The following OR2T12 variants were observed in gnomAD, a reference collection of about 807,000 sequenced individuals.
OR2T12 encodes olfactory receptor 2T12.
For missense variants in OR2T12, 335 were observed against 404.3 expected (o/e 0.83, Z 1.47); for synonymous variants, 127 against 160.5 (o/e 0.79, Z 1.58).
At position 248,294,508 on chromosome 1, in the gene OR2T12, A is replaced by T. The variant is rs1428816748; in HGVS notation, c.*108T>A. ...ACTTCATTCTTAAAAATATCTTATTATATCAATACACAAACTTAATTTTCT... is the reference window on the plus strand; with the variant it reads ...ACTTCATTCTTAAAAATATCTTATTTTATCAATACACAAACTTAATTTTCT... On this transcript the variant is annotated 3_prime_UTR_variant, in exon 3 of 3. Coordinates refer to ENST00000641276, the MANE Select transcript of OR2T12 (RefSeq NM_001004692.2). The T allele has an allele frequency of 2.9e-6, 4 of 1,367,928 alleles. No homozygotes were observed. The highest frequency in any genetic ancestry group is 3.0e-6 in the Non-Finnish European group (3 of 1,001,738). The allele number at this position is 1,367,928 out of a possible 1,614,324, so 84.7% of individuals were successfully genotyped here.
chr1:248,300,816 C>T (rs1341796480), intron 2 of OR2T12, among the ~76,000 whole-genome samples: 3 of 152,120 alleles, frequency 2.0e-5, no homozygotes, highest in South Asian at 2.1e-4. Context: ...TGGTCAAGTT[C>T]GCTTCTCCCT....
In OR2T12 at chr1:248,292,196, G is replaced by A. The variant is rs1659642918; in HGVS notation, c.*2420C>T. ...ACACATTAAAGAGAATATATAGGCAGTGTAAAGGAAAGAGCCAGAATGATT... is the reference window on the plus strand; with the variant it reads ...ACACATTAAAGAGAATATATAGGCAATGTAAAGGAAAGAGCCAGAATGATT... On this transcript the variant is annotated 3_prime_UTR_variant, in exon 3 of 3. Transcript: ENST00000641276. 3 of 152,090 alleles carry A rather than the reference G, an allele frequency of 2.0e-5. No homozygotes were observed. Among genetic ancestry groups the A allele is most frequent in the Non-Finnish European group, 4.4e-5 (3 of 67,968 alleles). 9.4% of individuals were successfully genotyped at this position (152,090 alleles called of 1,614,324 possible).
At chr1:248,302,842 T>C (rs1659828843) in intron 1 of OR2T12, among the ~76,000 whole-genome samples, 1 of 152,138 alleles carries the variant, frequency 6.6e-6, no homozygotes. Flanking sequence ...TTAAAATAAT[T>C]TTGTGTAAGG....
At chr1:248,296,304 G>T (rs1031738474) in intron 2 of OR2T12, among the ~76,000 whole-genome samples, 1 of 152,176 alleles carries the variant, frequency 6.6e-6, no homozygotes, top group South Asian at 2.1e-4. Context: ...GAATAGTGCC[G>T]CAATAAACAT....
chr1:248,293,323 G>A lies in OR2T12; in HGVS notation c.*1293C>T, dbSNP rs937825644. 2.9e-4 allele frequency: 44 copies of A among 152,062 alleles called. No homozygotes were observed. Among genetic ancestry groups the A allele is most frequent in the African/African-American group, 9.9e-4 (41 of 41,422 alleles). The allele number at this position is 152,062 out of a possible 1,614,324, so 9.4% of individuals were successfully genotyped here. A position where few individuals can be genotyped will look rare whatever the true frequency, so the allele number is the denominator to read the frequency against. Reference sequence around the variant, plus strand: ...GGGTTAACTTTCAGACACTTATATTGAAGATACATTGTCCCTGGAAGCTCT... The same window carrying A: ...GGGTTAACTTTCAGACACTTATATTAAAGATACATTGTCCCTGGAAGCTCT... On this transcript the variant is annotated 3_prime_UTR_variant, in exon 3 of 3. Transcript: ENST00000641276.
At chr1:248,301,580 G>A (rs1343165363) in intron 1 of OR2T12, 27 bp from the exon 2 acceptor site, 1 of 152,038 alleles carries the variant, frequency 6.6e-6, no homozygotes, top group Non-Finnish European at 1.5e-5. Context: ...AACATTTTGA[G>A]TTTCAATACT....
chr1:248,300,646 C>G (rs1358352141), intron 2 of OR2T12, among the ~76,000 whole-genome samples: 2 of 152,108 alleles, frequency 1.3e-5, no homozygotes, highest in Non-Finnish European at 2.9e-5. Flanking sequence ...ATGGAACCAC[C>G]TATTTTGACC....
chr1:248,296,204 A>G (rs1572831166), intron 2 of OR2T12, among the ~76,000 whole-genome samples: 1 of 152,164 alleles, frequency 6.6e-6, no homozygotes, highest in African/African-American at 2.4e-5. Context: ...TTATGGCTGC[A>G]TAGTATTCCA....
In OR2T12 at chr1:248,293,628, G is replaced by A. The variant is rs1659666746; in HGVS notation, c.*988C>T. 1 of 152,126 alleles carries A rather than the reference G, an allele frequency of 6.6e-6. No individual in the cohort carries two copies. Among genetic ancestry groups the A allele is most frequent in the Admixed American group, 6.6e-5 (1 of 15,258 alleles). The allele number at this position is 152,126 out of a possible 1,614,324, so 9.4% of individuals were successfully genotyped here. A position where few individuals can be genotyped will look rare whatever the true frequency, so the allele number is the denominator to read the frequency against. On this transcript the variant is annotated 3_prime_UTR_variant, in exon 3 of 3. Coordinates refer to ENST00000641276, the MANE Select transcript of OR2T12 (RefSeq NM_001004692.2). ...TCTACTTACCTATGCCTTGGGAGAAGTAAGGTAACCCAATAATGTATAAGG... is the reference window on the plus strand; with the variant it reads ...TCTACTTACCTATGCCTTGGGAGAAATAAGGTAACCCAATAATGTATAAGG...
intron 2 of OR2T12, among the ~76,000 whole-genome samples, chr1:248,300,372 T>C (rs551287726): frequency 1.8e-4 from 27 of 152,260 alleles, no homozygotes; most frequent in Admixed American, 7.9e-4. Context: ...CCTCCCTTTC[T>C]GGTTTTAAAA....
intron 1 of OR2T12, among the ~76,000 whole-genome samples, chr1:248,302,675 C>G (rs1659826199): frequency 6.6e-6 from 1 of 151,986 alleles, no homozygotes; most frequent in Non-Finnish European, 1.5e-5. Context: ...ATGCTTGGGA[C>G]CAGATGTGTT....
At position 248,290,453 on chromosome 1, in the gene OR2T12, A is replaced by G. The variant is rs1389856066; in HGVS notation, c.*4163T>C. The G allele has an allele frequency of 6.6e-6, 1 of 152,212 alleles. No individual in the cohort carries two copies. Among genetic ancestry groups the G allele is most frequent in the African/African-American group, 2.4e-5 (1 of 41,452 alleles). The allele number at this position is 152,212 out of a possible 1,614,324, so 9.4% of individuals were successfully genotyped here. A position where few individuals can be genotyped will look rare whatever the true frequency, so the allele number is the denominator to read the frequency against. On this transcript the variant is annotated 3_prime_UTR_variant, in exon 3 of 3. Transcript: ENST00000641276. ...TATATGTGCCACAGCTACTTTAGCC[A>G]GTCTATCATTGATGGGCTTTTGGGT...
rs1659627006 is a variant in OR2T12 at position 248,291,075 on chromosome 1, A to G, written c.*3541T>C. ...GATATTAGCCATTTGTCAGATGGAT[A>G]GATTGCAAAAATTTTCTCCCATTCT... On this transcript the variant is annotated 3_prime_UTR_variant, in exon 3 of 3. Coordinates refer to ENST00000641276, the MANE Select transcript of OR2T12 (RefSeq NM_001004692.2). 1 of 151,760 alleles carries G rather than the reference A, an allele frequency of 6.6e-6. No homozygotes were observed. Among genetic ancestry groups the G allele is most frequent in the Non-Finnish European group, 1.5e-5 (1 of 67,946 alleles). 9.4% of individuals were successfully genotyped at this position (151,760 alleles called of 1,614,324 possible).
Position 248,294,677 on chromosome 1 carries a change from C to T in OR2T12, c.902G>A (p.Arg301Gln), listed in dbSNP as rs6667171. Residue 301 changes from arginine (R) to glutamine (Q), a missense_variant, in exon 3 of 3, where the codon CGG becomes CAG. By Grantham distance (43) the Arg-to-Gln change is conservative (BLOSUM62 1). Coordinates refer to ENST00000641276, the MANE Select transcript of OR2T12 (RefSeq NM_001004692.2). ...RNSEVKEALK[R>Q]WLGTCVNLKH... is the part of the protein sequence containing the mutation. Reference sequence around the variant, plus strand: ...TAGGTTTACACACGTCCCCAGCCACCGTTTCAGGGCTTCCTTGACCTCACT... The same window carrying T: ...TAGGTTTACACACGTCCCCAGCCACTGTTTCAGGGCTTCCTTGACCTCACT... 1.9e-6 allele frequency: 3 copies of T among 1,613,738 alleles called. No homozygotes were observed. The highest frequency in any genetic ancestry group is 2.5e-6 in the Non-Finnish European group (3 of 1,179,952).
intron 1 of OR2T12, among the ~76,000 whole-genome samples, chr1:248,302,878 T>C (rs1209314776): frequency 3.9e-5 from 6 of 152,138 alleles, no homozygotes; most frequent in Admixed American, 6.5e-5. Context: ...CACTGAACCA[T>C]CAGAAAGCAA....
At chr1:248,297,945 G>C (rs1659757773) in intron 2 of OR2T12, among the ~76,000 whole-genome samples, 2 of 150,686 alleles carry the variant, frequency 1.3e-5, no homozygotes, top group African/African-American at 4.9e-5. Context: ...CAAAGGGAAT[G>C]CTTCCAGTTT....
Position 248,295,044 on chromosome 1 carries a change from C to A in OR2T12, c.535G>T (p.Ala179Ser). 6.2e-7 allele frequency: 1 copy of A among 1,607,894 alleles called. No homozygotes were observed. Among genetic ancestry groups the A allele is most frequent in the Non-Finnish European group, 8.5e-7 (1 of 1,179,264 alleles). Residue 179 changes from alanine to serine, a missense_variant, in exon 3 of 3, where the codon GCC becomes TCC. Coordinates refer to ENST00000641276, the MANE Select transcript of OR2T12 (RefSeq NM_001004692.2). ...CAAGCCAAACGCACCAACACGGGGG[C>A]CTCGCAGAAGAAGTGATCGATCTCG... ...AHEIDHFFCE[A>S]PVLVRLACAD...
At chr1:248,303,181 GGTT>G (rs1353094465) in intron 1 of OR2T12, among the ~76,000 whole-genome samples, 162 bp downstream of exon 1, 1 of 152,016 alleles carries the variant, frequency 6.6e-6, no homozygotes, top group Non-Finnish European at 1.5e-5. Context: ...TTCTGCTTCA[GGTT>G]GTACCACATT....
rs1345015242 is a variant in OR2T12, at chr1:248,293,659, G to C, written c.*957C>G. On this transcript the variant is annotated 3_prime_UTR_variant, in exon 3 of 3. Transcript: ENST00000641276. ...TAACCCAATAATGTATAAGGTTGTT[G>C]AGTCTTACTCAGCTTTGATAACTCA... The C allele has an allele frequency of 6.6e-6, 1 of 152,112 alleles. No homozygotes were observed. Among genetic ancestry groups the C allele is most frequent in the African/African-American group, 2.4e-5 (1 of 41,420 alleles). The allele number at this position is 152,112 out of a possible 1,614,324, so 9.4% of individuals were successfully genotyped here. A position where few individuals can be genotyped will look rare whatever the true frequency, so the allele number is the denominator to read the frequency against.
Sources: gnomAD v4.1 joint callset for allele counts (sites outside exome capture counted in the v4.1 genomes callset) on GRCh38, gnomAD v4.1.1 for gene constraint, MANE v1.5 for transcripts, NCBI Gene and HGNC (gene_info 2026-07-23, HGNC 2026-07-21) for gene names.